The following ADAM12 variants were observed in gnomAD, a reference collection of about 807,000 sequenced individuals.
ADAM12 encodes the protein disintegrin and metalloproteinase domain-containing protein 12.
ADAM12 carries 70 observed loss-of-function variants against 106.4 expected under a neutral mutation model. The observed-to-expected ratio is 0.66, with a 90% CI of 0.54 to 0.80. The LOEUF (loss-of-function observed/expected upper bound fraction) is 0.80, where lower values mean the gene tolerates loss of function less well. ADAM12 is among the 30% of genes least tolerant of loss of function. ADAM12 has a pLI of 0.00. For missense variants in ADAM12, 1,010 were observed against 1,171.9 expected (o/e 0.86, Z 2.02); for synonymous variants, 420 against 433.5 (o/e 0.97, Z 0.39).
intron 2 of ADAM12, among the ~76,000 whole-genome samples, chr10:126,303,763 T>C (rs1438892298): frequency 2.0e-5 from 3 of 152,286 alleles, no homozygotes; most frequent in Non-Finnish European, 4.4e-5. Context: ...TTGGCTTCCT[T>C]AATTCATTGT....
intron 3 of ADAM12, among the ~76,000 whole-genome samples, chr10:126,197,667 C>G (rs1957622822): frequency 6.6e-6 from 1 of 152,208 alleles, no homozygotes; most frequent in Admixed American, 6.5e-5. Context: ...GAGAAACAGA[C>G]CTGGGTTTGG....
chr10:126,348,658 CCT>C (rs1447596332), intron 1 of ADAM12, among the ~76,000 whole-genome samples: 2 of 152,170 alleles, frequency 1.3e-5, no homozygotes, highest in African/African-American at 2.4e-5. Flanking sequence ...ACTGAGATTT[CCT>C]CTGTCTCTGT....
intron 1 of ADAM12, among the ~76,000 whole-genome samples, chr10:126,359,121 A>G (rs1855650163): frequency 6.6e-6 from 1 of 152,048 alleles, no homozygotes; most frequent in South Asian, 2.1e-4. Context: ...ATTCACTATC[A>G]CCAGAACAGC....
At chr10:126,059,007 T>G (rs897825945) in intron 14 of ADAM12, among the ~76,000 whole-genome samples, 2 of 152,232 alleles carry the variant, frequency 1.3e-5, no homozygotes, top group African/African-American at 4.8e-5. Context: ...CTTAGGTATT[T>G]TGCCATTATC....
intron 2 of ADAM12, among the ~76,000 whole-genome samples, chr10:126,312,150 AAAC>A (rs1467150714): frequency 1.3e-5 from 2 of 149,346 alleles, no homozygotes; most frequent in African/African-American, 2.5e-5. Flanking sequence ...AAAAAAAAAA[AAAC>A]CCACGTTTGG....
intron 11 of ADAM12, among the ~76,000 whole-genome samples, chr10:126,081,502 T>C (rs1462641070): frequency 6.6e-6 from 1 of 152,230 alleles, no homozygotes; most frequent in Non-Finnish European, 1.5e-5. Flanking sequence ...CACTGGTTTC[T>C]TTTTGCAGAC....
chr10:126,368,085 G>A (rs974248387), intron 1 of ADAM12, among the ~76,000 whole-genome samples: 3 of 151,808 alleles, frequency 2.0e-5, no homozygotes, highest in Non-Finnish European at 4.4e-5. Flanking sequence ...GTGTATGTGT[G>A]TATATATATA....
At chr10:126,348,187 T>C (rs1855218923) in intron 1 of ADAM12, among the ~76,000 whole-genome samples, 1 of 152,232 alleles carries the variant, frequency 6.6e-6, no homozygotes, top group Non-Finnish European at 1.5e-5. Context: ...GCCTGGAGGC[T>C]CCTCCCTGGG....
intron 5 of ADAM12, among the ~76,000 whole-genome samples, chr10:126,130,204 T>C (rs1956279987): frequency 6.6e-6 from 1 of 152,176 alleles, no homozygotes; most frequent in Non-Finnish European, 1.5e-5. Flanking sequence ...TTTTTTCCTT[T>C]TACTTCCAGT....
chr10:126,173,283 AAGAGGAGCAATGGCATGAAGTCTGTTTG>A (rs1303350266), intron 3 of ADAM12, among the ~76,000 whole-genome samples: 1 of 152,218 alleles, frequency 6.6e-6, no homozygotes, highest in African/African-American at 2.4e-5. Flanking sequence ...TTGAAGTGTT[AAGAGGAGCAATGGCATGAAGTCTGTTTG>A]AGGTGACCTC....
chr10:126,117,710 G>A (rs1444872593), intron 6 of ADAM12, among the ~76,000 whole-genome samples: 1 of 135,980 alleles, frequency 7.4e-6, no homozygotes, highest in Admixed American at 8.4e-5. Context: ...GACCATAGTA[G>A]GGTCTCTTGG....
chr10:126,099,207 G>A (rs116761877), intron 9 of ADAM12, among the ~76,000 whole-genome samples: 1,694 of 152,268 alleles, frequency 0.011, 29 homozygotes, highest in African/African-American at 0.039. Context: ...AAAACAAAAC[G>A]CTGTATTTGT....
intron 11 of ADAM12, among the ~76,000 whole-genome samples, chr10:126,076,440 G>A (rs963317835): frequency 6.6e-6 from 1 of 152,194 alleles, no homozygotes; most frequent in Admixed American, 6.5e-5. Context: ...CACAGTAGTG[G>A]GGTTGCTGGG....
At chr10:126,161,688 G>A (rs554607700) in intron 3 of ADAM12, among the ~76,000 whole-genome samples, 6 of 152,278 alleles carry the variant, frequency 3.9e-5, no homozygotes, top group Non-Finnish European at 8.8e-5. Context: ...CTGAGAAGGC[G>A]CTGGATGGAG....
intron 3 of ADAM12, among the ~76,000 whole-genome samples, chr10:126,226,249 G>A (rs868636245): frequency 2.2e-4 from 34 of 152,262 alleles, no homozygotes; most frequent in Middle Eastern, 3.4e-3. Context: ...CTGGATGTCA[G>A]CCTGAGCAAA....
chr10:126,281,906 A>G (rs1182206152), intron 2 of ADAM12, among the ~76,000 whole-genome samples: 2 of 152,366 alleles, frequency 1.3e-5, no homozygotes, highest in Non-Finnish European at 1.5e-5. Flanking sequence ...TATAAAATGT[A>G]TAAGTACAAT....
chr10:126,244,345 A>G (rs935487969), intron 3 of ADAM12, among the ~76,000 whole-genome samples: 1 of 152,210 alleles, frequency 6.6e-6, no homozygotes, highest in African/African-American at 2.4e-5. Flanking sequence ...CGGTATTTGA[A>G]GGCAACCACA....
At chr10:126,174,824 C>T (rs1957188439) in intron 3 of ADAM12, among the ~76,000 whole-genome samples, 2 of 151,474 alleles carry the variant, frequency 1.3e-5, no homozygotes, top group Admixed American at 1.3e-4. Flanking sequence ...TTGATCTCGG[C>T]TCACTGCAAG....
At chr10:126,216,219 C>T (rs1957984898) in intron 3 of ADAM12, among the ~76,000 whole-genome samples, 1 of 152,230 alleles carries the variant, frequency 6.6e-6, no homozygotes, top group South Asian at 2.1e-4. Flanking sequence ...CCAATCCTCA[C>T]TCCATCCCAG....
Sources: gnomAD v4.1 joint callset for allele counts (sites outside exome capture counted in the v4.1 genomes callset) on GRCh38, gnomAD v4.1.1 for gene constraint, MANE v1.5 for transcripts, NCBI Gene and HGNC (gene_info 2026-07-23, HGNC 2026-07-21) for gene names.